Variants in LTBP1 observed in about 807,000 individuals in gnomAD.
LTBP1 encodes the protein latent transforming growth factor beta binding protein 1.
In LTBP1, 129 loss-of-function variants were observed where a neutral mutation model predicts 207.6. The ratio of observed to expected loss-of-function variants is 0.62; its 90% confidence interval spans 0.54 to 0.72. The LOEUF is 0.72. Among genes scored for constraint, LTBP1 ranks in the 30% least tolerant of loss-of-function variants. The pLI is 0.00. For missense variants in LTBP1, 2,281 were observed against 2,217.2 expected (o/e 1.03, Z -0.58); for synonymous variants, 963 against 833.7 (o/e 1.16, Z -2.67).
intron 3 of LTBP1, among the ~76,000 whole-genome samples, chr2:33,027,556 G>A (rs1376783816): frequency 1.3e-5 from 2 of 152,258 alleles, no homozygotes; most frequent in East Asian, 3.9e-4. Flanking sequence ...CTAGAAGAAG[G>A]CCGGGCGCAG....
intron 3 of LTBP1, among the ~76,000 whole-genome samples, chr2:33,076,119 C>G (rs1459864947): frequency 6.6e-6 from 1 of 152,122 alleles, no homozygotes; most frequent in Non-Finnish European, 1.5e-5. Context: ...GTATAAGTCT[C>G]AAATCATTGA....
At chr2:33,231,101 G>C (rs976426968) in intron 9 of LTBP1, among the ~76,000 whole-genome samples, 2 of 152,172 alleles carry the variant, frequency 1.3e-5, no homozygotes, top group Admixed American at 1.3e-4. Context: ...GTAAGACATT[G>C]TTCCTGCCCT....
At chr2:33,101,255 A>G (rs182359177) in intron 3 of LTBP1, among the ~76,000 whole-genome samples, 2 of 152,214 alleles carry the variant, frequency 1.3e-5, no homozygotes, top group Non-Finnish European at 2.9e-5. Context: ...TTCAAAAAAA[A>G]TTTTAAGTGA....
At chr2:33,275,174 C>T in intron 17 of LTBP1, 84 bp downstream of exon 17, 1 of 1,469,930 alleles carries the variant, frequency 6.8e-7, no homozygotes, top group Non-Finnish European at 9.2e-7. Flanking sequence ...CAGTGCTTAT[C>T]CAGACAACCC....
At chr2:33,295,843 G>C (rs900406899) in intron 20 of LTBP1, among the ~76,000 whole-genome samples, 2 of 152,126 alleles carry the variant, frequency 1.3e-5, no homozygotes, top group African/African-American at 4.8e-5. Context: ...TGAATACCCT[G>C]GTATCCTGTA....
intron 5 of LTBP1, among the ~76,000 whole-genome samples, chr2:33,178,203 C>T (rs1002365955): frequency 9.9e-5 from 15 of 152,114 alleles, no homozygotes; most frequent in African/African-American, 3.6e-4. Context: ...CTGCGTTTTT[C>T]CTAAGGGGGA....
At chr2:33,306,812 G>A (rs114216826) in intron 22 of LTBP1, among the ~76,000 whole-genome samples, 1,622 of 152,044 alleles carry the variant, frequency 0.011, 14 homozygotes, top group Non-Finnish European at 0.014. Flanking sequence ...ATTGTCAGTC[G>A]GGTGCAGTGG....
rs183236547 is a variant in LTBP1, at chr2:33,148,254, C to G, written c.1201+13294C>G. 3.2e-3 allele frequency among the ~76,000 whole-genome samples: 484 copies of G among 152,216 alleles called. 2 individuals carry two copies. Among genetic ancestry groups the G allele is most frequent in the Non-Finnish European group, 3.4e-3 (232 of 68,010 alleles). On this transcript the variant is annotated intron_variant, in intron 5 of 33. Transcript: ENST00000404816. ...GCATTTTGACGATATTTGAGGATACCATCTTTAATTTGAGACAAGAGAAGC... is the reference window on the plus strand; with the variant it reads ...GCATTTTGACGATATTTGAGGATACGATCTTTAATTTGAGACAAGAGAAGC...
chr2:33,204,212 T>C (rs978134384), intron 7 of LTBP1, among the ~76,000 whole-genome samples: 7 of 152,216 alleles, frequency 4.6e-5, no homozygotes, highest in African/African-American at 1.4e-4. Context: ...CTTCCATTTT[T>C]TTTCCCTCTT....
At chr2:33,096,004 A>C (rs2079364915) in intron 3 of LTBP1, among the ~76,000 whole-genome samples, 1 of 152,100 alleles carries the variant, frequency 6.6e-6, no homozygotes, top group South Asian at 2.1e-4. Context: ...TTAGGTGAAA[A>C]ACATAAATTT....
intron 3 of LTBP1, among the ~76,000 whole-genome samples, chr2:33,038,162 T>A (rs1050588292): frequency 1.3e-5 from 2 of 152,256 alleles, no homozygotes; most frequent in Admixed American, 6.5e-5. Flanking sequence ...AGATACTTTT[T>A]AATTTGAATG....
chr2:33,058,067 GT>G (rs1025586605), intron 3 of LTBP1, among the ~76,000 whole-genome samples: 10 of 152,336 alleles, frequency 6.6e-5, no homozygotes, highest in Admixed American at 5.9e-4. Flanking sequence ...TCTCTCTTTG[GT>G]TTCCAATTAC....
intron 3 of LTBP1, among the ~76,000 whole-genome samples, chr2:33,080,226 C>A (rs569802595): frequency 6.6e-6 from 1 of 152,214 alleles, no homozygotes; most frequent in South Asian, 2.1e-4. Flanking sequence ...GGGGGTTTCA[C>A]CATGTTGGCC....
intron 5 of LTBP1, among the ~76,000 whole-genome samples, chr2:33,175,435 A>G (rs1436799744): frequency 6.6e-6 from 1 of 152,100 alleles, no homozygotes; most frequent in African/African-American, 2.4e-5. Context: ...AGAGAAATGC[A>G]AATCAAAACC....
rs764781750 is a variant in LTBP1, at chr2:33,293,394, C to G, written c.3235+112C>G. 7.7e-6 allele frequency: 8 copies of G among 1,044,770 alleles called. No individual in the cohort carries two copies. In the African/African-American group the frequency reaches 1.3e-4, roughly 17 times the overall value. The allele number at this position is 1,044,770 out of a possible 1,614,324, so 64.7% of individuals were successfully genotyped here. A position where few individuals can be genotyped will look rare whatever the true frequency, so the allele number is the denominator to read the frequency against. ...GCTACCTGTGTTTATTTTGACCGAG[C>G]GACTTAGAGCACATATTGGTTGGCT... is the stretch of plus-strand genomic sequence containing the variant. On this transcript the variant is annotated intron_variant, in intron 20 of 33. Transcript: ENST00000404816.
intron 31 of LTBP1, among the ~76,000 whole-genome samples, chr2:33,378,832 G>C (rs2095176967): frequency 6.6e-6 from 1 of 152,212 alleles, no homozygotes; most frequent in African/African-American, 2.4e-5. Context: ...GCAGAGGAGG[G>C]ATGAAGTAAA....
intron 7 of LTBP1, among the ~76,000 whole-genome samples, chr2:33,198,932 T>G (rs1009997302): frequency 7.3e-4 from 111 of 152,334 alleles, no homozygotes; most frequent in African/African-American, 2.6e-3. Context: ...ATTTCTTGCC[T>G]TCTGCTAGCT....
chr2:33,072,703 C>T (rs448072), intron 3 of LTBP1, among the ~76,000 whole-genome samples: 134,241 of 152,208 alleles, frequency 0.88, 61,335 homozygotes, highest in East Asian at 1. Context: ...ATGGGAGTTA[C>T]GAGCCAGAAA....
At chr2:33,215,716 G>GTTTTTTTTTTTTT (rs1287189048) in intron 7 of LTBP1, among the ~76,000 whole-genome samples, 4 of 139,050 alleles carry the variant, frequency 2.9e-5, no homozygotes, top group African/African-American at 8.1e-5. Context: ...GTTTTCTTTT[G>GTTTTTTTTTTTTT]TTTTTTGTTT....
Sources: gnomAD v4.1 joint callset for allele counts (sites outside exome capture counted in the v4.1 genomes callset) on GRCh38, gnomAD v4.1.1 for gene constraint, MANE v1.5 for transcripts, NCBI Gene and HGNC (gene_info 2026-07-23, HGNC 2026-07-21) for gene names.